Variants in CAMK1D observed in about 807,000 individuals in gnomAD.
The protein encoded by CAMK1D is calcium/calmodulin-dependent protein kinase type 1D.
A neutral mutation model predicts 47.7 loss-of-function variants in CAMK1D; 9 were observed. The ratio of observed to expected loss-of-function variants is 0.19; its 90% confidence interval spans 0.11 to 0.33. The LOEUF is 0.33. CAMK1D is among the 10% of genes least tolerant of loss of function. CAMK1D has a pLI of 1.00. For missense variants in CAMK1D, 291 were observed against 488.7 expected (o/e 0.60, Z 3.81); for synonymous variants, 184 against 184.9 (o/e 0.99, Z 0.04).
At chr10:12,571,897 T>C (rs1837340024) in intron 2 of CAMK1D, among the ~76,000 whole-genome samples, 1 of 134,912 alleles carries the variant, frequency 7.4e-6, no homozygotes, top group South Asian at 2.4e-4. Flanking sequence ...CCCTTCCCTC[T>C]AAAACAATAA....
intron 1 of CAMK1D, among the ~76,000 whole-genome samples, chr10:12,482,334 G>A (rs1329687635): frequency 2.6e-5 from 4 of 152,170 alleles, no homozygotes; most frequent in Non-Finnish European, 5.9e-5. Context: ...TTGGAGCTGG[G>A]TGGAGATGTA....
intron 3 of CAMK1D, among the ~76,000 whole-genome samples, chr10:12,728,127 T>A (rs376517857): frequency 1.3e-5 from 2 of 152,330 alleles, no homozygotes; most frequent in South Asian, 4.1e-4. Flanking sequence ...AAAACAGAGA[T>A]GGTGCCTCCA....
chr10:12,652,457 G>A (rs1039590134), intron 2 of CAMK1D, among the ~76,000 whole-genome samples: 1 of 151,012 alleles, frequency 6.6e-6, no homozygotes, highest in African/African-American at 2.4e-5. Flanking sequence ...GCGTGGTGGC[G>A]GGCGCCTGTA....
chr10:12,814,944 C>G lies in CAMK1D; in HGVS notation c.754+637C>G, dbSNP rs1013885674. Among the ~76,000 whole-genome samples the G allele has an allele frequency of 8.5e-5, 13 of 152,180 alleles. 1 individual carries two copies. Among genetic ancestry groups the G allele is most frequent in the Non-Finnish European group, 1.3e-4 (9 of 68,030 alleles). On this transcript the variant is annotated intron_variant, in intron 7 of 10. Coordinates refer to ENST00000619168, the MANE Select transcript of CAMK1D (RefSeq NM_153498.4). Reference sequence around the variant, plus strand: ...TAGCCATGCCCTGTTCTGGGAGCTCCAGGAGTAAACCAATAGTAGCTGACA... The same window carrying G: ...TAGCCATGCCCTGTTCTGGGAGCTCGAGGAGTAAACCAATAGTAGCTGACA...
chr10:12,731,602 T>TA (rs1564522185), intron 3 of CAMK1D, among the ~76,000 whole-genome samples: 1 of 152,012 alleles, frequency 6.6e-6, no homozygotes, highest in Non-Finnish European at 1.5e-5. Flanking sequence ...GCCAAGTAAA[T>TA]AAGACAGAAA....
intron 1 of CAMK1D, among the ~76,000 whole-genome samples, chr10:12,540,991 A>G (rs961947702): frequency 1.3e-5 from 2 of 151,060 alleles, no homozygotes; most frequent in African/African-American, 4.9e-5. Flanking sequence ...AAACAAATGT[A>G]TGGCTTACTG....
chr10:12,778,933 G>A (rs1837379229), intron 5 of CAMK1D, among the ~76,000 whole-genome samples: 1 of 152,176 alleles, frequency 6.6e-6, no homozygotes, highest in African/African-American at 2.4e-5. Flanking sequence ...GAAAACTCCT[G>A]GAGGACATGG....
chr10:12,767,324 C>A (rs1029271041), intron 4 of CAMK1D, among the ~76,000 whole-genome samples: 5 of 151,872 alleles, frequency 3.3e-5, no homozygotes, highest in Non-Finnish European at 5.9e-5. Context: ...ATTACAGGCG[C>A]CCGCCACCAT....
intron 2 of CAMK1D, among the ~76,000 whole-genome samples, chr10:12,580,338 C>CTTTTT (rs5783277): frequency 1.7e-5 from 2 of 120,672 alleles, no homozygotes; most frequent in African/African-American, 3.2e-5. Context: ...CCCTTCCTTC[C>CTTTTT]TTTTTTTTTT....
intron 2 of CAMK1D, among the ~76,000 whole-genome samples, chr10:12,639,606 C>T (rs1004573767): frequency 4.6e-5 from 7 of 152,202 alleles, no homozygotes; most frequent in Middle Eastern, 3.4e-3. Flanking sequence ...GGAGCATTTT[C>T]GTCTGCATTT....
At chr10:12,368,748 A>G (rs1419869941) in intron 1 of CAMK1D, among the ~76,000 whole-genome samples, 1 of 151,818 alleles carries the variant, frequency 6.6e-6, no homozygotes. Flanking sequence ...TGTCTCAAAA[A>G]AAAAAAAAAA....
At chr10:12,445,339 AT>A (rs770182632) in intron 1 of CAMK1D, among the ~76,000 whole-genome samples, 1 of 152,250 alleles carries the variant, frequency 6.6e-6, no homozygotes, top group Non-Finnish European at 1.5e-5. Context: ...GTTTACACCA[AT>A]TAGAGTTCAT....
chr10:12,543,338 C>T (rs78370120), intron 1 of CAMK1D, among the ~76,000 whole-genome samples: 2,157 of 152,200 alleles, frequency 0.014, 38 homozygotes, highest in South Asian at 0.061. Flanking sequence ...TGTTAGCCAC[C>T]ACGCCTGGCC....
At chr10:12,472,051 AAAAG>A (rs201803257) in intron 1 of CAMK1D, among the ~76,000 whole-genome samples, 3,258 of 151,498 alleles carry the variant, frequency 0.022, 116 homozygotes, top group African/African-American at 0.074. Context: ...AAAAAAAAGA[AAAAG>A]AAAAGAAAAA....
At chr10:12,476,504 G>C (rs1330160512) in intron 1 of CAMK1D, among the ~76,000 whole-genome samples, 1 of 152,118 alleles carries the variant, frequency 6.6e-6, no homozygotes, top group African/African-American at 2.4e-5. Context: ...ATAAAATGAA[G>C]CTGGAAAAAT....
At chr10:12,816,159 A>G (rs551907294) in intron 7 of CAMK1D, 91 bp from the exon 8 acceptor site, 204 of 965,470 alleles carry the variant, frequency 2.1e-4, no homozygotes, top group Admixed American at 3.5e-4. Context: ...TTTTCATGCT[A>G]CACACGCTCC....
chr10:12,574,190 C>A (rs968604230), intron 2 of CAMK1D, among the ~76,000 whole-genome samples: 2 of 152,164 alleles, frequency 1.3e-5, no homozygotes, highest in Non-Finnish European at 2.9e-5. Context: ...AACACTGGGC[C>A]CTGTTGACCA....
chr10:12,643,355 G>T (rs1839719157), intron 2 of CAMK1D, among the ~76,000 whole-genome samples: 1 of 152,126 alleles, frequency 6.6e-6, no homozygotes, highest in African/African-American at 2.4e-5. Context: ...CATAGCAGGG[G>T]TCCCCAACCC....
intron 1 of CAMK1D, among the ~76,000 whole-genome samples, chr10:12,405,745 G>A (rs1839399399): frequency 6.6e-6 from 1 of 152,182 alleles, no homozygotes; most frequent in South Asian, 2.1e-4. Context: ...ATATCAGCAT[G>A]ACATGGTCAT....
Sources: gnomAD v4.1 joint callset for allele counts (sites outside exome capture counted in the v4.1 genomes callset) on GRCh38, gnomAD v4.1.1 for gene constraint, MANE v1.5 for transcripts, NCBI Gene and HGNC (gene_info 2026-07-23, HGNC 2026-07-21) for gene names.